Variants in PPFIBP2 observed in about 807,000 individuals in gnomAD.
PPFIBP2 encodes the protein PPFIB scaffold protein 2.
A neutral mutation model predicts 118.3 loss-of-function variants in PPFIBP2; 118 were observed. That is an observed-to-expected ratio of 1.00 (90% CI 0.86 to 1.16). The LOEUF (loss-of-function observed/expected upper bound fraction) is 1.16, where lower values mean the gene tolerates loss of function less well. Ranked by LOEUF, PPFIBP2 falls within the 50% of genes most tolerant of loss-of-function variation. The pLI is 0.00. For missense variants in PPFIBP2, 1,195 were observed against 1,073.1 expected (o/e 1.11, Z -1.59); for synonymous variants, 414 against 397.4 (o/e 1.04, Z -0.50).
At position 7,650,821 on chromosome 11, in the gene PPFIBP2, C is replaced by G. The variant is rs554131295; in HGVS notation, c.2122-19C>G. 1.2e-6 allele frequency: 2 copies of G among 1,612,376 alleles called. No individual in the cohort carries two copies. Among genetic ancestry groups the G allele is most frequent in the Non-Finnish European group, 1.7e-6 (2 of 1,178,812 alleles). On this transcript the variant is annotated intron_variant, in intron 21 of 23. Transcript: ENST00000299492. ...ACCTATTAAGCCTAACTTCCTCACT[C>G]TCCTTCTCCCTCTGACAGAGTAACC...
intron 2 of PPFIBP2, among the ~76,000 whole-genome samples, chr11:7,562,616 G>A (rs183876441): frequency 6.6e-6 from 1 of 152,220 alleles, no homozygotes; most frequent in Non-Finnish European, 1.5e-5. Context: ...CTTCCTCTGA[G>A]AGGAAATTTA....
At chr11:7,515,035 T>C (rs1392414483) in intron 1 of PPFIBP2, among the ~76,000 whole-genome samples, 1 of 152,226 alleles carries the variant, frequency 6.6e-6, no homozygotes, top group East Asian at 1.9e-4. Flanking sequence ...TGAAGTTAAA[T>C]GGTCAACTAC....
downstream of PPFIBP2, among the ~76,000 whole-genome samples, chr11:7,657,396 G>C (rs1388924769): frequency 1.3e-5 from 2 of 152,070 alleles, no homozygotes; most frequent in East Asian, 1.9e-4. Flanking sequence ...ATCTGCAAGG[G>C]GTATCTGTGC....
At chr11:7,651,167 C>A (rs1853942583) in intron 22 of PPFIBP2, 1 of 505,196 alleles carries the variant, frequency 2.0e-6, no homozygotes, top group African/African-American at 1.9e-5. Context: ...TGCCTTCTGG[C>A]AGCACCTCCT....
chr11:7,580,385 G>A (rs1166564530), intron 3 of PPFIBP2, among the ~76,000 whole-genome samples: 1 of 152,224 alleles, frequency 6.6e-6, no homozygotes, highest in South Asian at 2.1e-4. Context: ...TTTGAAGGTA[G>A]AAACACTATC....
intron 1 of PPFIBP2, among the ~76,000 whole-genome samples, chr11:7,541,946 C>T (rs7937209): frequency 0.41 from 62,967 of 152,022 alleles, 15,516 homozygotes; most frequent in African/African-American, 0.69. Context: ...GGCTTTGTCC[C>T]CAAGGTATAT....
intron 5 of PPFIBP2, among the ~76,000 whole-genome samples, chr11:7,606,778 A>C (rs551383917): frequency 6.6e-6 from 1 of 151,170 alleles, no homozygotes; most frequent in African/African-American, 2.4e-5. Flanking sequence ...TTTGGCAATG[A>C]TGGAAGCAGA....
chr11:7,572,322 C>CCT (rs1389189233), intron 3 of PPFIBP2, among the ~76,000 whole-genome samples: 1 of 152,192 alleles, frequency 6.6e-6, no homozygotes, highest in Non-Finnish European at 1.5e-5. Flanking sequence ...GCAGCCAAGA[C>CCT]TGGGGGCCTT....
chr11:7,630,788 A>G (rs1329106469), intron 10 of PPFIBP2, 137 bp from the exon 11 acceptor site: 4 of 686,528 alleles, frequency 5.8e-6, no homozygotes, highest in African/African-American at 3.6e-5. Context: ...AATCTTCAGA[A>G]TCACACTCTT....
intron 17 of PPFIBP2, among the ~76,000 whole-genome samples, chr11:7,645,676 G>T (rs1379531394): frequency 6.6e-6 from 1 of 152,232 alleles, no homozygotes; most frequent in South Asian, 2.1e-4. Context: ...GGGAGGAGAG[G>T]ATTCGCAAAA....
the PPFIBP2 span, chr11:7,665,314 T>C: frequency 2.2e-5 from 30 of 1,362,518 alleles, no homozygotes; most frequent in Admixed American, 8.6e-5. Flanking sequence ...CGTGGTGAAA[T>C]TGAACTTACT....
At chr11:7,624,201 G>A (rs968108853) in intron 7 of PPFIBP2, among the ~76,000 whole-genome samples, 1 of 152,182 alleles carries the variant, frequency 6.6e-6, no homozygotes, top group South Asian at 2.1e-4. Flanking sequence ...GACACACGGT[G>A]GTGGGTGGAG....
chr11:7,566,339 C>T (rs946395375), intron 3 of PPFIBP2, among the ~76,000 whole-genome samples: 8 of 152,084 alleles, frequency 5.3e-5, no homozygotes, highest in African/African-American at 1.4e-4. Flanking sequence ...AATGCATTTC[C>T]CATATACATA....
At chr11:7,598,838 A>G (rs369797069) in intron 5 of PPFIBP2, among the ~76,000 whole-genome samples, 5 of 134,982 alleles carry the variant, frequency 3.7e-5, no homozygotes, top group South Asian at 4.4e-4. Context: ...TCTCATGACA[A>G]ATGTCATGAG....
intron 1 of PPFIBP2, among the ~76,000 whole-genome samples, chr11:7,541,976 T>C (rs1590173669): frequency 6.6e-6 from 1 of 152,194 alleles, no homozygotes. Flanking sequence ...GAACATCTAA[T>C]TCATTACGGT....
chr11:7,527,844 G>T (rs535445989), intron 1 of PPFIBP2, among the ~76,000 whole-genome samples: 1 of 152,218 alleles, frequency 6.6e-6, no homozygotes, highest in South Asian at 2.1e-4. Flanking sequence ...GATTTGGCTG[G>T]AACTGAAGAG....
chr11:7,533,133 T>G (rs775199002), intron 1 of PPFIBP2, among the ~76,000 whole-genome samples: 21 of 152,260 alleles, frequency 1.4e-4, no homozygotes, highest in Non-Finnish European at 2.6e-4. Context: ...TTTTTTCTCA[T>G]TGGTCCTTCA....
rs188620198 is a variant in PPFIBP2, at chr11:7,643,146, C to T, written c.1646+720C>T. ...CAATTCAGAGCCCTTAGAAAGTGAG[C>T]CAGGGAAAGCTTTACCTGTATATTC... On this transcript the variant is annotated intron_variant, in intron 17 of 23. Transcript: ENST00000299492. 3.3e-5 allele frequency among the ~76,000 whole-genome samples: 5 copies of T among 152,240 alleles called. No homozygotes were observed. In the East Asian group the frequency reaches 9.6e-4, roughly 29 times the overall value.
intron 13 of PPFIBP2, among the ~76,000 whole-genome samples, chr11:7,635,013 G>C (rs11604112): frequency 0.14 from 21,676 of 152,136 alleles, 1,896 homozygotes; most frequent in East Asian, 0.45. Flanking sequence ...TCGTCAGGAT[G>C]TTGGAGAGTG....
Sources: allele counts gnomAD v4.1 joint callset (sites outside exome capture counted in the v4.1 genomes callset), GRCh38; gene constraint gnomAD v4.1.1; transcripts MANE v1.5; gene names NCBI Gene and HGNC (gene_info 2026-07-23, HGNC 2026-07-21).